Variants in RBPJ observed in about 807,000 individuals in gnomAD.
RBPJ encodes recombination signal binding protein for immunoglobulin kappa J region, also known as recombining binding protein suppressor of hairless.
RBPJ carries 9 observed loss-of-function variants against 67.8 expected under a neutral mutation model. The observed-to-expected ratio is 0.13, with a 90% CI of 0.08 to 0.23. The LOEUF is 0.23. Ranked by LOEUF, RBPJ falls within the 10% of genes least tolerant of loss-of-function variation. The pLI, the probability that RBPJ is intolerant of heterozygous loss-of-function variation, is 1.00. For synonymous variants in RBPJ, 198 were observed against 203.3 expected, an observed-to-expected ratio of 0.97 and a Z score of 0.22; for missense variants, 305 against 595.6, an observed-to-expected ratio of 0.51 and a Z score of 5.08.
intron 1 of RBPJ, among the ~76,000 whole-genome samples, chr4:26,371,140 A>G (rs1385218983): frequency 1.3e-5 from 2 of 152,132 alleles, no homozygotes; most frequent in Non-Finnish European, 2.9e-5. Flanking sequence ...TCCATCGTGG[A>G]AATTAACTTA....
chr4:26,235,603 T>C (rs1719429303), intron 1 of RBPJ, among the ~76,000 whole-genome samples: 1 of 152,180 alleles, frequency 6.6e-6, no homozygotes, highest in Non-Finnish European at 1.5e-5. Context: ...GAAAGAAAGT[T>C]CCCTCCCAAT....
the RBPJ span, among the ~76,000 whole-genome samples, chr4:26,133,635 C>G: frequency 6.6e-6 from 1 of 152,148 alleles, no homozygotes; most frequent in Non-Finnish European, 1.5e-5. Context: ...AGCGTGAACC[C>G]TATAGGGAAC....
At chr4:26,232,558 C>G (rs1331154507) in intron 1 of RBPJ, among the ~76,000 whole-genome samples, 2 of 152,202 alleles carry the variant, frequency 1.3e-5, no homozygotes, top group Non-Finnish European at 2.9e-5. Context: ...TCCAATTTCT[C>G]TCCCATCTAA....
intron 1 of RBPJ, among the ~76,000 whole-genome samples, chr4:26,279,343 C>A (rs1721181554): frequency 6.6e-6 from 1 of 152,168 alleles, no homozygotes; most frequent in South Asian, 2.1e-4. Flanking sequence ...TGCAGTGGCA[C>A]AATCTCAGCT....
At chr4:26,404,307 G>T (rs747356708) in intron 2 of RBPJ, among the ~76,000 whole-genome samples, 2 of 151,996 alleles carry the variant, frequency 1.3e-5, no homozygotes, top group Non-Finnish European at 2.9e-5. Context: ...CAGTTTGCAC[G>T]TATTTCCTCC....
chr4:26,422,072 C>G (rs1735190441), intron 5 of RBPJ, among the ~76,000 whole-genome samples: 1 of 152,112 alleles, frequency 6.6e-6, no homozygotes, highest in African/African-American at 2.4e-5. Context: ...ATTCCATATT[C>G]TGGGTTTGGC....
At chr4:26,282,053 G>A (rs1051968403) in intron 1 of RBPJ, among the ~76,000 whole-genome samples, 1 of 150,616 alleles carries the variant, frequency 6.6e-6, no homozygotes, top group Non-Finnish European at 1.5e-5. Flanking sequence ...GTATGTATGT[G>A]TTTATCTAGG....
chr4:26,193,227 A>G (rs149773187), intron 1 of RBPJ, among the ~76,000 whole-genome samples: 4 of 152,372 alleles, frequency 2.6e-5, no homozygotes, highest in Non-Finnish European at 4.4e-5. Flanking sequence ...TTATCACAGT[A>G]GTAATAGGAA....
the RBPJ span, among the ~76,000 whole-genome samples, chr4:26,119,047 T>C: frequency 6.6e-6 from 1 of 152,214 alleles, no homozygotes; most frequent in African/African-American, 2.4e-5. Flanking sequence ...TAACAGGGTA[T>C]TGCATTGATC....
At chr4:26,362,655 C>T (rs778287970) in intron 1 of RBPJ, 1 of 1,591,492 alleles carries the variant, frequency 6.3e-7, no homozygotes, top group South Asian at 1.1e-5. Context: ...TCCCAGTGAC[C>T]CCAAGGTCAT....
At chr4:26,370,863 G>A (rs1346380259) in intron 1 of RBPJ, among the ~76,000 whole-genome samples, 6 of 151,958 alleles carry the variant, frequency 3.9e-5, no homozygotes, top group African/African-American at 7.3e-5. Flanking sequence ...GGCAGATCAC[G>A]AGATAAGGAG....
intron 1 of RBPJ, among the ~76,000 whole-genome samples, chr4:26,231,414 CTT>C (rs368580629): frequency 2.0e-4 from 28 of 142,088 alleles, no homozygotes; most frequent in Admixed American, 2.1e-4. Flanking sequence ...TTTAATTGCA[CTT>C]TTTTTTTTTT....
intron 1 of RBPJ, among the ~76,000 whole-genome samples, chr4:26,330,104 CAG>C (rs978645498): frequency 6.6e-6 from 1 of 152,122 alleles, no homozygotes; most frequent in Non-Finnish European, 1.5e-5. Context: ...GTAAGGTGAA[CAG>C]ATACAAGAGA....
At chr4:26,208,771 G>A (rs1472892544) in intron 1 of RBPJ, among the ~76,000 whole-genome samples, 1 of 152,058 alleles carries the variant, frequency 6.6e-6, no homozygotes, top group African/African-American at 2.4e-5. Context: ...ACATTGCTCT[G>A]TACTCTTACA....
At chr4:26,168,481 C>T (rs1479240839) in intron 1 of RBPJ, among the ~76,000 whole-genome samples, 1 of 152,156 alleles carries the variant, frequency 6.6e-6, no homozygotes, top group Non-Finnish European at 1.5e-5. Flanking sequence ...GGTAACCTGA[C>T]CTTTCTCTCT....
At chr4:26,425,355 G>C (rs992613576) in intron 7 of RBPJ, among the ~76,000 whole-genome samples, 6 of 152,104 alleles carry the variant, frequency 3.9e-5, no homozygotes, top group African/African-American at 1.4e-4. Context: ...ACAGGTGAAG[G>C]CAGGAGAAGG....
rs796764761 is a variant in RBPJ, at chr4:26,389,227, T to TA, written c.59+2846dup. Among the ~76,000 whole-genome samples the TA allele has an allele frequency of 6.6e-3, 967 of 146,946 alleles. 6 individuals carry two copies. The highest frequency in any genetic ancestry group is 0.023 in the African/African-American group (911 of 39,980). On this transcript the variant is annotated intron_variant, in intron 2 of 10. Coordinates refer to ENST00000355476, the MANE Select transcript of RBPJ (RefSeq NM_015874.6). Reference sequence around the variant, plus strand: ...CTGGGTGACAGAGTGAGACCCCATCTAAAAAAAAAATCAGTTAATCCTGAG... The same window carrying TA: ...CTGGGTGACAGAGTGAGACCCCATCTAAAAAAAAAAATCAGTTAATCCTGAG...
intron 1 of RBPJ, among the ~76,000 whole-genome samples, chr4:26,242,370 C>T (rs553478970): frequency 6.7e-4 from 102 of 151,516 alleles, no homozygotes; most frequent in Non-Finnish European, 1.2e-3. Context: ...TGGCGTGAAC[C>T]CGAGAGGTGG....
At chr4:26,319,910 C>T (rs765659029), upstream of RBPJ, 6 of 1,588,906 alleles carry the variant, frequency 3.8e-6, no homozygotes, top group South Asian at 6.6e-5. Flanking sequence ...GGGCGGGATT[C>T]GGGCCCTTCA....
Sources: gnomAD v4.1 joint callset for allele counts (sites outside exome capture counted in the v4.1 genomes callset) on GRCh38, gnomAD v4.1.1 for gene constraint, MANE v1.5 for transcripts, NCBI Gene and HGNC (gene_info 2026-07-23, HGNC 2026-07-21) for gene names.